Variants in MS4A4A observed in about 807,000 individuals in gnomAD.
MS4A4A encodes the protein membrane-spanning 4-domains subfamily A member 4A.
In MS4A4A, 26 loss-of-function variants were observed where a neutral mutation model predicts 28.0. The observed-to-expected ratio is 0.93, with a 90% confidence interval of 0.68 to 1.29. The LOEUF (loss-of-function observed/expected upper bound fraction) is 1.29. MS4A4A is among the 50% of genes most tolerant of loss of function. The probability of loss-of-function intolerance (pLI) is 0.00; values close to 1 mark genes in which losing one functional copy is unlikely to be tolerated. For synonymous variants in MS4A4A, 86 were observed against 100.8 expected (o/e 0.85, Z 0.88); for missense variants, 290 against 293.1 (o/e 0.99, Z 0.08).
In MS4A4A at chr11:60,289,819, A is replaced by G. The variant is rs190153033; in HGVS notation, c.42-2406A>G. Among the ~76,000 whole-genome samples, 1,037 of 151,684 alleles carry G rather than the reference A, an allele frequency of 6.8e-3. 6 individuals carry two copies. The highest frequency in any genetic ancestry group is 0.01 in the Middle Eastern group (3 of 294). On this transcript the variant is annotated intron_variant, in intron 1 of 6. Coordinates refer to ENST00000337908, the MANE Select transcript of MS4A4A (RefSeq NM_148975.3). The stretch of plus-strand genomic sequence containing the variant: ...ATTTTTCTTCCAGTTGACTAATTCT[A>G]TTTTCAGCTATTCCTTGTTATTTAA...
At chr11:60,286,456 A>G (rs980496934) in intron 1 of MS4A4A, among the ~76,000 whole-genome samples, 10 of 152,252 alleles carry the variant, frequency 6.6e-5, no homozygotes, top group Non-Finnish European at 1.3e-4. Flanking sequence ...GGCATAAGAT[A>G]TTATAAAAGT....
At chr11:60,291,754 C>T (rs950059708) in intron 1 of MS4A4A, among the ~76,000 whole-genome samples, 12 of 149,812 alleles carry the variant, frequency 8.0e-5, no homozygotes, top group African/African-American at 2.7e-4. Context: ...GCCGAGATCG[C>T]GCCACTGCAT....
intron 1 of MS4A4A, among the ~76,000 whole-genome samples, chr11:60,284,099 C>A (rs1376644426): frequency 6.6e-6 from 1 of 152,192 alleles, no homozygotes; most frequent in Non-Finnish European, 1.5e-5. Context: ...AGTGGATCCC[C>A]TTAAGCAAAG....
intron 5 of MS4A4A, chr11:60,305,824 C>T: frequency 2.6e-6 from 1 of 378,748 alleles, no homozygotes. Flanking sequence ...TTTATACTAC[C>T]TTCCTAACTT....
chr11:60,298,989 G>T (rs1233829430), intron 3 of MS4A4A, among the ~76,000 whole-genome samples: 1 of 152,088 alleles, frequency 6.6e-6, no homozygotes, highest in African/African-American at 2.4e-5. Context: ...GGCCTCTTCA[G>T]TTCTGTTTCT....
intron 3 of MS4A4A, among the ~76,000 whole-genome samples, chr11:60,299,448 C>CTTTTTTTTTTTTTTTTT (rs5792179): frequency 4.4e-5 from 5 of 113,204 alleles, no homozygotes; most frequent in South Asian, 2.9e-4. Context: ...AATTACAATT[C>CTTTTTTTTTTTTTTTTT]TTTTTTTTTT....
chr11:60,306,188 G>A lies in MS4A4A; in HGVS notation c.635G>A (p.Cys212Tyr), dbSNP rs540491858. 35 of 1,613,354 alleles carry A rather than the reference G, an allele frequency of 2.2e-5. No individual in the cohort carries two copies. In the East Asian group the frequency reaches 7.4e-4, roughly 34 times the overall value. The change falls in exon 6 of 7, where the codon TGT becomes TAT. Residue 212 changes from cysteine to tyrosine, a missense_variant. Transcript: ENST00000337908. ...GCCTTTGGATGTAAAGTGCTCTGTT[G>A]TACCCCTGGTGGGGTGAGTATTGGC... is the stretch of plus-strand genomic sequence containing the variant. ...LSAFGCKVLC[C>Y]TPGGVVLILP...
At chr11:60,303,014 T>G (rs1315920286) in intron 5 of MS4A4A, among the ~76,000 whole-genome samples, 1 of 152,220 alleles carries the variant, frequency 6.6e-6, no homozygotes, top group Non-Finnish European at 1.5e-5. Context: ...TTTTAAAACA[T>G]TGATGCAGTA....
chr11:60,305,601 T>C (rs1477276891), intron 5 of MS4A4A: 2 of 153,086 alleles, frequency 1.3e-5, no homozygotes, highest in Non-Finnish European at 2.9e-5. Context: ...AGGAAAATTC[T>C]CTTATATCAG....
intron 1 of MS4A4A, among the ~76,000 whole-genome samples, chr11:60,281,033 C>A (rs143405728): frequency 6.6e-6 from 1 of 152,302 alleles, no homozygotes; most frequent in African/African-American, 2.4e-5. Context: ...ACATTTTAAA[C>A]CTTTGACTAG....
intron 1 of MS4A4A, among the ~76,000 whole-genome samples, chr11:60,290,998 A>G (rs2135017083): frequency 6.6e-6 from 1 of 152,320 alleles, no homozygotes; most frequent in South Asian, 2.1e-4. Context: ...GTGGTATCAA[A>G]ATTAACTATT....
Position 60,292,296 on chromosome 11 carries a change from C to T in MS4A4A, c.113C>T (p.Pro38Leu). 1 of 1,608,162 alleles carries T rather than the reference C, an allele frequency of 6.2e-7. No individual in the cohort carries two copies. The highest frequency in any genetic ancestry group is 1.7e-4 in the Middle Eastern group (1 of 6,042). Residue 38 changes from proline (P) to leucine (L), a missense_variant, in exon 2 of 7, where the codon CCC (proline) becomes CTC (leucine). Transcript: ENST00000337908. The stretch of plus-strand genomic sequence containing the variant: ...ATGCCAGGGGCTGGCCCTGGTGTGC[C>T]CCAGCTGGGAAACATGGCTGTCATA... ...QAMPGAGPGV[P>L]QLGNMAVIHS...
At chr11:60,301,128 T>A in intron 4 of MS4A4A, 71 bp downstream of exon 4, 2 of 1,203,138 alleles carry the variant, frequency 1.7e-6, no homozygotes, top group Non-Finnish European at 2.3e-6. Flanking sequence ...TGCCAGGGTG[T>A]AAAACAGGTT....
chr11:60,288,053 C>T (rs528655884), intron 1 of MS4A4A, among the ~76,000 whole-genome samples: 5 of 152,228 alleles, frequency 3.3e-5, no homozygotes, highest in East Asian at 1.9e-4. Flanking sequence ...CCTATAGTTC[C>T]GAGATCTCAA....
At chr11:60,300,477 G>A (rs891074269) in intron 3 of MS4A4A, among the ~76,000 whole-genome samples, 3 of 151,776 alleles carry the variant, frequency 2.0e-5, no homozygotes. Context: ...TTAGCCCAGC[G>A]TAGTGGCGGG....
chr11:60,301,296 T>C (rs1263109307), intron 4 of MS4A4A, among the ~76,000 whole-genome samples: 1 of 152,148 alleles, frequency 6.6e-6, no homozygotes, highest in East Asian at 1.9e-4. Context: ...TTTGAAGATA[T>C]AGAGAATTAT....
intron 1 of MS4A4A, among the ~76,000 whole-genome samples, chr11:60,287,259 G>C (rs998024817): frequency 5.9e-5 from 9 of 152,134 alleles, no homozygotes; most frequent in African/African-American, 7.2e-5. Context: ...TATAGCTCTA[G>C]AGGCTGGGAA....
At chr11:60,292,481 A>C in intron 2 of MS4A4A, 97 bp downstream of exon 2, 1 of 1,259,222 alleles carries the variant, frequency 7.9e-7, no homozygotes, top group South Asian at 1.8e-5. Flanking sequence ...TCATAATACA[A>C]CAGCCAACCC....
intron 3 of MS4A4A, among the ~76,000 whole-genome samples, chr11:60,300,214 T>A (rs2084939643): frequency 6.6e-6 from 1 of 152,240 alleles, no homozygotes; most frequent in East Asian, 1.9e-4. Context: ...ACTAGTTATT[T>A]TAGCTAAATG....
Sources: gnomAD v4.1 joint callset for allele counts (sites outside exome capture counted in the v4.1 genomes callset) on GRCh38, gnomAD v4.1.1 for gene constraint, MANE v1.5 for transcripts, NCBI Gene and HGNC (gene_info 2026-07-23, HGNC 2026-07-21) for gene names.